UNC5C: variants seen among roughly 807,000 people sequenced by gnomAD.
UNC5C encodes unc-5 netrin receptor C, also known as netrin receptor UNC5C.
Under a neutral mutation model 99.8 loss-of-function variants are expected in UNC5C, and 47 were observed. The ratio of observed to expected loss-of-function variants is 0.47; its 90% CI spans 0.37 to 0.60. UNC5C has a LOEUF of 0.60. Among genes scored for constraint, UNC5C ranks in the 20% least tolerant of loss-of-function variants. UNC5C has a pLI of 0.00. For synonymous variants in UNC5C, 487 were observed against 452.2 expected (o/e 1.08, Z -0.98); for missense variants, 1,062 against 1,165.9 (o/e 0.91, Z 1.30).
intron 1 of UNC5C, among the ~76,000 whole-genome samples, chr4:95,346,294 T>A (rs1743769674): frequency 6.6e-6 from 1 of 151,684 alleles, no homozygotes. Flanking sequence ...TAATAAAAAG[T>A]CTCCCAGCAA....
At chr4:95,540,735 A>G (rs569201752) in intron 1 of UNC5C, among the ~76,000 whole-genome samples, 1 of 152,322 alleles carries the variant, frequency 6.6e-6, no homozygotes, top group South Asian at 2.1e-4. Context: ...ACGAAATTCA[A>G]ATGTCAATGT....
At chr4:95,217,308 G>T (rs1156973761) in intron 9 of UNC5C, among the ~76,000 whole-genome samples, 1 of 152,166 alleles carries the variant, frequency 6.6e-6, no homozygotes, top group Non-Finnish European at 1.5e-5. Flanking sequence ...AGAGGTAGTA[G>T]GCCTTCATGT....
At chr4:95,460,644 C>T (rs555715315) in intron 1 of UNC5C, among the ~76,000 whole-genome samples, 1 of 152,342 alleles carries the variant, frequency 6.6e-6, no homozygotes, top group South Asian at 2.1e-4. Flanking sequence ...CGTCCCTAGC[C>T]ATGTGGAACT....
chr4:95,491,417 T>C (rs1446569702), intron 1 of UNC5C, among the ~76,000 whole-genome samples: 3 of 151,624 alleles, frequency 2.0e-5, no homozygotes, highest in African/African-American at 7.3e-5. Flanking sequence ...TTAATGAACA[T>C]TTTAAAGACT....
chr4:95,240,519 A>G (rs1367695794), intron 7 of UNC5C, among the ~76,000 whole-genome samples: 1 of 152,224 alleles, frequency 6.6e-6, no homozygotes, highest in African/African-American at 2.4e-5. Context: ...GATTGTTACT[A>G]TAGCAAATCA....
At chr4:95,334,706 G>A (rs1372486240) in intron 2 of UNC5C, among the ~76,000 whole-genome samples, 1 of 151,752 alleles carries the variant, frequency 6.6e-6, no homozygotes, top group Non-Finnish European at 1.5e-5. Context: ...TCCTTTCTTT[G>A]CCTTTAGTAT....
At chr4:95,376,468 C>T (rs1744898971) in intron 1 of UNC5C, among the ~76,000 whole-genome samples, 1 of 152,030 alleles carries the variant, frequency 6.6e-6, no homozygotes, top group South Asian at 2.1e-4. Context: ...TTTATGTTGG[C>T]TAAAAACAGG....
At chr4:95,543,658 C>T (rs1323364907) in intron 1 of UNC5C, among the ~76,000 whole-genome samples, 1 of 152,174 alleles carries the variant, frequency 6.6e-6, no homozygotes, top group African/African-American at 2.4e-5. Context: ...AAACCCTTAT[C>T]AGAAATCCTG....
intron 1 of UNC5C, among the ~76,000 whole-genome samples, chr4:95,528,360 T>C (rs1368005397): frequency 6.6e-6 from 1 of 152,150 alleles, no homozygotes; most frequent in Non-Finnish European, 1.5e-5. Flanking sequence ...ATTCATGCAC[T>C]GGGGTCTCCC....
At chr4:95,464,052 A>C (rs189605391) in intron 1 of UNC5C, among the ~76,000 whole-genome samples, 4 of 152,350 alleles carry the variant, frequency 2.6e-5, no homozygotes, top group Non-Finnish European at 5.9e-5. Context: ...GCGTAAGCTG[A>C]AAGAATGACA....
intron 1 of UNC5C, among the ~76,000 whole-genome samples, chr4:95,338,833 A>G (rs997412883): frequency 6.6e-6 from 1 of 152,096 alleles, no homozygotes; most frequent in East Asian, 1.9e-4. Context: ...TGTTTTAACA[A>G]TAGAAATATC....
chr4:95,332,803 A>C lies in UNC5C; in HGVS notation c.346+2607T>G, dbSNP rs542812041. Among the ~76,000 whole-genome samples the C allele has an allele frequency of 2.6e-3, 393 of 151,868 alleles. 1 individual carries two copies. The highest frequency in any genetic ancestry group is 6.4e-3 in the African/African-American group (267 of 41,486). ...ACAGGCAACCTACAAAATGGGAGAA[A>C]ATTTTCACAACCTACTCATCTGACA... On this transcript the variant is annotated intron_variant, in intron 2 of 15. Coordinates refer to ENST00000453304, the MANE Select transcript of UNC5C (RefSeq NM_003728.4).
intron 1 of UNC5C, among the ~76,000 whole-genome samples, chr4:95,539,579 G>GT (rs745445585): frequency 2.6e-5 from 4 of 152,098 alleles, no homozygotes; most frequent in Non-Finnish European, 5.9e-5. Flanking sequence ...GACTCCATTG[G>GT]TTTTTTGAGG....
rs1303176819 is a variant in UNC5C, at chr4:95,201,751, C to G, written c.2136+980G>C. On this transcript the variant is annotated intron_variant, in intron 12 of 15. Transcript: ENST00000453304. Reference sequence around the variant, plus strand: ...CCTGAGTAGCTGGGACTACAGATGCCTGCCATCATGCCCGGCTAATTTTTT... The same window carrying G: ...CCTGAGTAGCTGGGACTACAGATGCGTGCCATCATGCCCGGCTAATTTTTT... 2.6e-5 allele frequency among the ~76,000 whole-genome samples: 4 copies of G among 152,046 alleles called. No homozygotes were observed. In the South Asian group the frequency reaches 6.2e-4, roughly 24 times the overall value.
chr4:95,392,707 GT>G (rs1355847304), intron 1 of UNC5C, among the ~76,000 whole-genome samples: 3 of 151,950 alleles, frequency 2.0e-5, no homozygotes, highest in African/African-American at 7.2e-5. Context: ...TCCTAAAGTG[GT>G]GGGATTACAG....
chr4:95,518,426 A>T (rs1202860447), intron 1 of UNC5C, among the ~76,000 whole-genome samples: 1 of 152,214 alleles, frequency 6.6e-6, no homozygotes, highest in Non-Finnish European at 1.5e-5. Context: ...CTATAATATA[A>T]ATGGAAAAAT....
chr4:95,258,743 A>ATTTTTTTTTTTTTTTTTTTT (rs1740102405), intron 4 of UNC5C, among the ~76,000 whole-genome samples: 2 of 85,868 alleles, frequency 2.3e-5, no homozygotes, highest in Non-Finnish European at 5.0e-5. Context: ...CGACCATCTT[A>ATTTTTTTTTTTTTTTTTTTT]TTCTTTTTTT....
chr4:95,308,751 C>CAAAAAAAAAAAAAAAAAAAAAAAA (rs59626139), intron 2 of UNC5C, among the ~76,000 whole-genome samples: 3 of 34,396 alleles, frequency 8.7e-5, no homozygotes, highest in African/African-American at 1.1e-4. Context: ...GACTCTGTCT[C>CAAAAAAAAAAAAAAAAAAAAAAAA]AAAAAAAAAA....
chr4:95,308,867 T>C (rs1458178347), intron 2 of UNC5C, among the ~76,000 whole-genome samples: 1 of 150,322 alleles, frequency 6.7e-6, no homozygotes, highest in Non-Finnish European at 1.5e-5. Flanking sequence ...CCCAAAGTGG[T>C]CTACAAATTT....
Sources: gnomAD v4.1 joint callset for allele counts (sites outside exome capture counted in the v4.1 genomes callset) on GRCh38, gnomAD v4.1.1 for gene constraint, MANE v1.5 for transcripts, NCBI Gene and HGNC (gene_info 2026-07-23, HGNC 2026-07-21) for gene names.